SLC35F4: variants seen among roughly 807,000 people sequenced by gnomAD.
SLC35F4 encodes chromosome 14 open reading frame 36.
A neutral mutation model predicts 44.2 loss-of-function variants in SLC35F4; 24 were observed. The ratio of observed to expected loss-of-function variants is 0.54; its 90% CI spans 0.39 to 0.76. The LOEUF (loss-of-function observed/expected upper bound fraction) is 0.76, where lower values mean the gene tolerates loss of function less well. Among genes scored for constraint, SLC35F4 ranks in the 30% least tolerant of loss-of-function variants. The pLI is 0.00. For synonymous variants in SLC35F4, 238 were observed against 223.6 expected, an observed-to-expected ratio of 1.06 and a Z score of -0.57; for missense variants, 562 against 586.1, an observed-to-expected ratio of 0.96 and a Z score of 0.42.
chr14:57,861,423 T>C (rs1041923526), intron 1 of SLC35F4, among the ~76,000 whole-genome samples: 2 of 152,164 alleles, frequency 1.3e-5, no homozygotes, highest in South Asian at 4.1e-4. Flanking sequence ...ATTGAATCAT[T>C]CTCATTTGCA....
intron 1 of SLC35F4, among the ~76,000 whole-genome samples, chr14:57,859,971 C>T (rs913143316): frequency 2.0e-5 from 3 of 152,102 alleles, no homozygotes; most frequent in East Asian, 1.9e-4. Flanking sequence ...GTAGAATGTT[C>T]GAAGGAATTT....
chr14:57,862,082 C>G (rs1185154844), intron 1 of SLC35F4, among the ~76,000 whole-genome samples: 1 of 152,132 alleles, frequency 6.6e-6, no homozygotes, highest in East Asian at 1.9e-4. Flanking sequence ...CCCCCCACCC[C>G]TTTCCAAAGT....
At chr14:57,760,505 T>C (rs1358248614) in intron 1 of SLC35F4, among the ~76,000 whole-genome samples, 6 of 152,214 alleles carry the variant, frequency 3.9e-5, no homozygotes, top group African/African-American at 1.4e-4. Context: ...TCTTTTGTGT[T>C]TCCATACAAA....
At chr14:57,725,054 C>G (rs1463549525) in intron 1 of SLC35F4, among the ~76,000 whole-genome samples, 2 of 152,120 alleles carry the variant, frequency 1.3e-5, no homozygotes, top group East Asian at 3.9e-4. Context: ...GGTAAAAAAA[C>G]TGTGAGGATA....
intron 1 of SLC35F4, among the ~76,000 whole-genome samples, chr14:57,944,072 C>T (rs1889964223): frequency 7.8e-6 from 1 of 128,608 alleles, no homozygotes; most frequent in South Asian, 2.6e-4. Flanking sequence ...TTGTCCTCCA[C>T]ACGAGCTCCA....
chr14:57,925,039 G>A (rs947749831), intron 1 of SLC35F4, among the ~76,000 whole-genome samples: 1 of 152,022 alleles, frequency 6.6e-6, no homozygotes, highest in African/African-American at 2.4e-5. Flanking sequence ...TACAGGCACA[G>A]CCATCATGCC....
At chr14:57,974,332 C>G (rs1881145346), downstream of SLC35F4, among the ~76,000 whole-genome samples, 1 of 152,154 alleles carries the variant, frequency 6.6e-6, no homozygotes, top group South Asian at 2.1e-4. Flanking sequence ...AAGCTGCAAG[C>G]CTTCTTTTGA....
chr14:57,894,772 T>A (rs530629258), intron 1 of SLC35F4, among the ~76,000 whole-genome samples: 2 of 152,244 alleles, frequency 1.3e-5, no homozygotes, highest in African/African-American at 4.8e-5. Context: ...GCTTTTGGCA[T>A]GGTTGCACTT....
At chr14:57,733,163 G>A (rs1362590433) in intron 1 of SLC35F4, among the ~76,000 whole-genome samples, 2 of 152,082 alleles carry the variant, frequency 1.3e-5, no homozygotes, top group Non-Finnish European at 2.9e-5. Context: ...CATATTATAG[G>A]TTTGTGTAGG....
chr14:57,731,419 T>C (rs1002437830), intron 1 of SLC35F4, among the ~76,000 whole-genome samples: 4 of 152,194 alleles, frequency 2.6e-5, no homozygotes, highest in African/African-American at 9.7e-5. Context: ...ACTGAGAGGG[T>C]TCTTCATGGG....
At chr14:57,871,951 A>G (rs1183485356) in intron 1 of SLC35F4, among the ~76,000 whole-genome samples, 2 of 152,200 alleles carry the variant, frequency 1.3e-5, no homozygotes, top group Non-Finnish European at 2.9e-5. Context: ...TTGTTTTCCA[A>G]AGACATACTA....
intron 1 of SLC35F4, among the ~76,000 whole-genome samples, chr14:57,708,858 G>A (rs551331519): frequency 8.9e-4 from 135 of 152,214 alleles, no homozygotes; most frequent in Non-Finnish European, 1.6e-3. Context: ...TGTGGGTCAC[G>A]TGTCCACTGG....
chr14:57,653,866 G>C, intron 1 of SLC35F4, among the ~76,000 whole-genome samples: 1 of 152,168 alleles, frequency 6.6e-6, no homozygotes, highest in East Asian at 1.9e-4. Context: ...CACTTCCAGA[G>C]GCCAGAAGCC....
intron 1 of SLC35F4, among the ~76,000 whole-genome samples, chr14:57,953,106 G>A (rs926929407): frequency 2.0e-5 from 3 of 152,188 alleles, no homozygotes; most frequent in Admixed American, 6.5e-5. Flanking sequence ...GAAACCTTAC[G>A]AACCAGAAGA....
intron 1 of SLC35F4, among the ~76,000 whole-genome samples, chr14:57,638,769 C>T (rs1446705413): frequency 6.6e-6 from 1 of 152,060 alleles, no homozygotes; most frequent in East Asian, 1.9e-4. Context: ...TCCCAAACCC[C>T]TTCCTCTGGA....
intron 6 of SLC35F4, among the ~76,000 whole-genome samples, chr14:57,569,189 C>G (rs1566624026): frequency 6.6e-6 from 1 of 152,318 alleles, no homozygotes; most frequent in East Asian, 1.9e-4. Context: ...GTCTTCCTAT[C>G]ACAAATCCAT....
At chr14:57,826,033 C>T (rs1883719331) in intron 1 of SLC35F4, among the ~76,000 whole-genome samples, 2 of 152,006 alleles carry the variant, frequency 1.3e-5, no homozygotes, top group African/African-American at 2.4e-5. Context: ...TATATGGAAC[C>T]AAAAATGAGC....
At chr14:57,776,443 G>A (rs2077489080) in intron 1 of SLC35F4, among the ~76,000 whole-genome samples, 1 of 152,126 alleles carries the variant, frequency 6.6e-6, no homozygotes. Context: ...GCCACGGGCG[G>A]ATCACGAGGT....
chr14:57,938,856 A>ACCCC (rs1348532820), intron 1 of SLC35F4, among the ~76,000 whole-genome samples: 47 of 152,036 alleles, frequency 3.1e-4, no homozygotes, highest in Non-Finnish European at 6.0e-4. Flanking sequence ...GAAGGGCTGC[A>ACCCC]AAAAAAGATT....
Sources: allele counts gnomAD v4.1 joint callset (sites outside exome capture counted in the v4.1 genomes callset), GRCh38; gene constraint gnomAD v4.1.1; transcripts MANE v1.5; gene names NCBI Gene and HGNC (gene_info 2026-07-23, HGNC 2026-07-21).